The following EVPLL variants were observed in gnomAD, a reference collection of about 807,000 sequenced individuals.
EVPLL encodes envoplakin like.
EVPLL carries 39 observed loss-of-function variants against 46.2 expected under a neutral mutation model. The ratio of observed to expected loss-of-function variants is 0.84; its 90% CI spans 0.65 to 1.10. EVPLL has a LOEUF of 1.10. Among genes scored for constraint, EVPLL ranks in the 50% least tolerant of loss-of-function variants. EVPLL has a pLI of 0.00. For missense variants in EVPLL, 385 were observed against 412.6 expected (o/e 0.93, Z 0.58); for synonymous variants, 156 against 165.8 (o/e 0.94, Z 0.46).
chr17:18,382,620 G>A lies in EVPLL; in HGVS notation c.454G>A (p.Ala152Thr), dbSNP rs1231165325. ...EGDQRPRRAA[A>T]EPGGAGCRHH... The stretch of plus-strand genomic sequence containing the variant: ...AGATCAACGACCAAGGAGAGCAGCT[G>A]CGGAGCCTGGTGGGGCCGGTGGGTG... Residue 152 changes from alanine to threonine, a missense_variant, in exon 5 of 11, where the codon GCG becomes ACG. Coordinates refer to ENST00000399134, the MANE Select transcript of EVPLL (RefSeq NM_001145127.2). 12 of 1,552,068 alleles carry A rather than the reference G, an allele frequency of 7.7e-6. No individual in the cohort carries two copies. Among genetic ancestry groups the A allele is most frequent in the Non-Finnish European group, 1.0e-5 (12 of 1,147,130 alleles).
At chr17:18,386,148 G>A (rs1456545632) in intron 9 of EVPLL, among the ~76,000 whole-genome samples, 1 of 152,160 alleles carries the variant, frequency 6.6e-6, no homozygotes, top group Non-Finnish European at 1.5e-5. Flanking sequence ...TTCCAGGGCG[G>A]TGCGGGAAGG....
At position 18,381,336 on chromosome 17, in the gene EVPLL, C is replaced by T. The variant is rs1027432233; in HGVS notation, c.64-31C>T. 14 of 1,525,150 alleles carry T rather than the reference C, an allele frequency of 9.2e-6. No individual in the cohort carries two copies. Among genetic ancestry groups the T allele is most frequent in the African/African-American group, 1.4e-5 (1 of 72,618 alleles). 94.5% of individuals were successfully genotyped at this position (1,525,150 alleles called of 1,614,324 possible). A position where few individuals can be genotyped will look rare whatever the true frequency, so the allele number is the denominator to read the frequency against. Reference sequence around the variant, plus strand: ...CAGCAGGGGTGTGGGGGCTCTGGACCCTGGCAAGTCTGCCCATCCCCTGCC... The same window carrying T: ...CAGCAGGGGTGTGGGGGCTCTGGACTCTGGCAAGTCTGCCCATCCCCTGCC... On this transcript the variant is annotated intron_variant, in intron 2 of 10. Transcript: ENST00000399134. This position sits in a 1 kb window ranked among gnomAD's most constrained non-coding sequence, Gnocchi z 4.2.
intron 9 of EVPLL, among the ~76,000 whole-genome samples, chr17:18,385,947 G>T (rs1412256071): frequency 6.6e-6 from 1 of 152,178 alleles, no homozygotes; most frequent in Non-Finnish European, 1.5e-5. Flanking sequence ...ACTTTGGGAG[G>T]TATAGACAGG....
chr17:18,381,478 G>C lies in EVPLL; in HGVS notation c.175G>C (p.Ala59Pro), dbSNP rs1287829730. 1.2e-6 allele frequency: 2 copies of C among 1,613,872 alleles called. No homozygotes were observed. Among genetic ancestry groups the C allele is most frequent in the East Asian group, 4.5e-5 (2 of 44,872 alleles). The change falls in exon 3 of 11, where the codon GCC becomes CCC. Residue 59 changes from alanine (A) to proline (P), a missense_variant. Coordinates refer to ENST00000399134, the MANE Select transcript of EVPLL (RefSeq NM_001145127.2). The surrounding 1 kb of genome is among the most constrained non-coding windows in gnomAD (Gnocchi z 4.2). ...GGACCTCTTCCTGGACGTGGACAAGGCCCGGCGGCTCAAGCACCCGCAGGC... is the reference window on the plus strand; with the variant it reads ...GGACCTCTTCCTGGACGTGGACAAGCCCCGGCGGCTCAAGCACCCGCAGGC... ...LKDLFLDVDK[A>P]RRLKHPQAEE...
rs1220597846 is a variant in EVPLL at position 18,381,387 on chromosome 17, G to C, written c.84G>C (p.Gln28His). The change falls in exon 3 of 11, where the codon CAG (glutamine) becomes CAC (histidine). Residue 28 changes from glutamine to histidine, a missense_variant. Physicochemically the swap from Gln to His is conservative, Grantham distance 24. Transcript: ENST00000399134. The surrounding 1 kb of genome is among the most constrained non-coding windows in gnomAD (Gnocchi z 4.2). ...RLQQDRLNSE[Q>H]SQALQHQQET... ...CACAGGACCGGCTGAACAGTGAGCA[G>C]AGCCAGGCCCTGCAGCACCAGCAGG... 1 of 1,581,500 alleles carries C rather than the reference G, an allele frequency of 6.3e-7. No homozygotes were observed. Among genetic ancestry groups the C allele is most frequent in the Non-Finnish European group, 8.6e-7 (1 of 1,164,984 alleles).
chr17:18,380,670 C>A (rs1987533476), intron 1 of EVPLL: 1 of 458,068 alleles, frequency 2.2e-6, no homozygotes, highest in Admixed American at 3.4e-5. Context: ...ACACCCAGCA[C>A]CACACAGACC....
chr17:18,387,229 A>AT (rs1035310661), intron 9 of EVPLL, among the ~76,000 whole-genome samples: 2 of 151,238 alleles, frequency 1.3e-5, no homozygotes, highest in Non-Finnish European at 2.9e-5. Flanking sequence ...CTTTTGTATA[A>AT]TTTTTTTGTT....
At chr17:18,383,723 A>G in intron 9 of EVPLL, 136 bp downstream of exon 9, 3 of 769,602 alleles carry the variant, frequency 3.9e-6, no homozygotes, top group Non-Finnish European at 6.3e-6. Context: ...CTGTAATCCC[A>G]GCACTTTGGG....
At chr17:18,380,854 GA>G (rs1987540198) in intron 1 of EVPLL, 47 bp from the exon 2 acceptor site, 3 of 1,491,870 alleles carry the variant, frequency 2.0e-6, no homozygotes, top group Non-Finnish European at 2.7e-6. Context: ...ATGGGGCACA[GA>G]GGGGCCTCTT....
chr17:18,382,943 TC>T (rs1987634284), intron 6 of EVPLL, 79 bp downstream of exon 6: 1 of 1,586,026 alleles, frequency 6.3e-7, no homozygotes, highest in Admixed American at 1.8e-5. Context: ...GGGCCAGTGT[TC>T]CTGAGCGCCG....
At chr17:18,383,717 A>T (rs983776175) in intron 9 of EVPLL, 130 bp downstream of exon 9, 14 of 802,446 alleles carry the variant, frequency 1.7e-5, no homozygotes, top group African/African-American at 1.4e-4. Flanking sequence ...TCACACCTGT[A>T]ATCCCAGCAC....
At chr17:18,384,942 G>A (rs1987721127) in intron 9 of EVPLL, among the ~76,000 whole-genome samples, 1 of 149,236 alleles carries the variant, frequency 6.7e-6, no homozygotes, top group South Asian at 2.1e-4. Flanking sequence ...GGGAGAGACA[G>A]AGGAGGCTGA....
rs1466934028 is a variant in EVPLL, at chr17:18,383,286, G to C, written c.688G>C (p.Glu230Gln). ...TCGCCCCCAGCACTTCAAGCAGCAC[G>C]AGCTGCTGAGCCAGGAGCAGAGCGT... is the stretch of plus-strand genomic sequence containing the variant. The part of the protein sequence containing the change: ...RREYEHFKQH[E>Q]LLSQEQSVNQ... The change falls in exon 8 of 11, where the codon GAG (glutamate) becomes CAG (glutamine). Residue 230 changes from glutamate (E) to glutamine (Q), a missense_variant. Glu to Gln is a conservative substitution (Grantham distance 29). Transcript: ENST00000399134. 1.9e-6 allele frequency: 3 copies of C among 1,593,614 alleles called. No homozygotes were observed. Among genetic ancestry groups the C allele is most frequent in the Non-Finnish European group, 2.6e-6 (3 of 1,171,752 alleles).
chr17:18,382,415 C>G (rs1376219013), intron 4 of EVPLL, 98 bp from the exon 5 acceptor site: 1 of 1,505,570 alleles, frequency 6.6e-7, no homozygotes, highest in Admixed American at 2.0e-5. Context: ...CACGCTCTGC[C>G]CAAATGACCA....
intron 9 of EVPLL, among the ~76,000 whole-genome samples, chr17:18,384,569 A>T (rs1171340851): frequency 1.3e-5 from 2 of 152,134 alleles, no homozygotes; most frequent in African/African-American, 4.8e-5. Flanking sequence ...GTCTCTACAA[A>T]AAATATACAA....
In EVPLL at chr17:18,383,177, G is replaced by C; in HGVS notation, c.664G>C (p.Glu222Gln). 1.3e-6 allele frequency: 2 copies of C among 1,548,046 alleles called. No individual in the cohort carries two copies. The highest frequency in any genetic ancestry group is 1.7e-6 in the Non-Finnish European group (2 of 1,152,426). The change falls in exon 7 of 11, where the codon GAA (glutamate) becomes CAA (glutamine). Residue 222 changes from glutamate to glutamine, a missense_variant. Physicochemically the swap from Glu to Gln is conservative, Grantham distance 29. Coordinates refer to ENST00000399134, the MANE Select transcript of EVPLL (RefSeq NM_001145127.2). ...GGCCGACCCTGCGGGCGTGCGGCGGGAATACGAGGTCGGCTGGCAGAGGTT... is the reference window on the plus strand; with the variant it reads ...GGCCGACCCTGCGGGCGTGCGGCGGCAATACGAGGTCGGCTGGCAGAGGTT... ...LMADPAGVRR[E>Q]YEHFKQHELL...
rs1287715770 is a variant in EVPLL at position 18,389,600 on chromosome 17, T to A, written c.*784T>A. 2.6e-5 allele frequency: 3 copies of A among 113,252 alleles called. No individual in the cohort carries two copies. Among genetic ancestry groups the A allele is most frequent in the Non-Finnish European group, 3.8e-5 (2 of 52,328 alleles). The allele number at this position is 113,252 out of a possible 1,614,324, so 7.0% of individuals were successfully genotyped here. A position where few individuals can be genotyped will look rare whatever the true frequency, so the allele number is the denominator to read the frequency against. On this transcript the variant is annotated 3_prime_UTR_variant, in exon 11 of 11. Coordinates refer to ENST00000399134, the MANE Select transcript of EVPLL (RefSeq NM_001145127.2). The stretch of plus-strand genomic sequence containing the variant: ...CCTAGAATTTATTCATACTGTTAAA[T>A]TACCAGTTTATGCAAATGATATGTA...
chr17:18,386,328 A>G (rs1987762787), intron 9 of EVPLL: 2 of 152,134 alleles, frequency 1.3e-5, no homozygotes, highest in Admixed American at 6.5e-5. Context: ...ACTTATTTCC[A>G]TAAGACGCTG....
At chr17:18,384,400 C>T (rs1049219737) in intron 9 of EVPLL, among the ~76,000 whole-genome samples, 5 of 151,586 alleles carry the variant, frequency 3.3e-5, no homozygotes, top group African/African-American at 4.9e-5. Flanking sequence ...CACACCACTG[C>T]ACTCCCGCCT....
Sources: allele counts gnomAD v4.1 joint callset (sites outside exome capture counted in the v4.1 genomes callset), GRCh38; gene constraint gnomAD v4.1.1; non-coding constraint Gnocchi (gnomAD v3.1); transcripts MANE v1.5; gene names NCBI Gene and HGNC (gene_info 2026-07-23, HGNC 2026-07-21).